NTNG1: variants seen among roughly 807,000 people sequenced by gnomAD.
The protein encoded by NTNG1 is netrin-G1.
Under a neutral mutation model 54.0 loss-of-function variants are expected in NTNG1, and 16 were observed. That is an observed-to-expected ratio of 0.30 (90% CI 0.20 to 0.45). The LOEUF is 0.45. Ranked by LOEUF, NTNG1 falls within the 20% of genes least tolerant of loss-of-function variation. The probability of loss-of-function intolerance (pLI) is 1.00; values close to 1 mark genes in which losing one functional copy is unlikely to be tolerated. For synonymous variants in NTNG1, 255 were observed against 263.1 expected, an observed-to-expected ratio of 0.97 and a Z score of 0.30; for missense variants, 530 against 678.7, an observed-to-expected ratio of 0.78 and a Z score of 2.43.
At chr1:107,438,521 A>G (rs1675751699) in intron 7 of NTNG1, among the ~76,000 whole-genome samples, 1 of 152,182 alleles carries the variant, frequency 6.6e-6, no homozygotes, top group Non-Finnish European at 1.5e-5. Context: ...GAGCAGGCCA[A>G]CAGTCAGGAG....
chr1:107,373,721 CAG>C (rs151220807), intron 3 of NTNG1, among the ~76,000 whole-genome samples: 16,793 of 151,534 alleles, frequency 0.11, 1,043 homozygotes, highest in Non-Finnish European at 0.14. Context: ...TTTCAAGAGA[CAG>C]GGTCTCACTC....
At chr1:107,406,515 A>G (rs1377449087) in intron 4 of NTNG1, among the ~76,000 whole-genome samples, 1 of 152,184 alleles carries the variant, frequency 6.6e-6, no homozygotes, top group African/African-American at 2.4e-5. Context: ...CAAAGAAGCT[A>G]GCAGACTTGC....
chr1:107,463,696 T>C (rs1677422433), intron 7 of NTNG1, among the ~76,000 whole-genome samples: 2 of 152,288 alleles, frequency 1.3e-5, no homozygotes, highest in East Asian at 3.9e-4. Flanking sequence ...CAAAATGTAC[T>C]TGTGGCTTGC....
At chr1:107,237,337 G>A (rs1357469649) in intron 2 of NTNG1, among the ~76,000 whole-genome samples, 1 of 152,154 alleles carries the variant, frequency 6.6e-6, no homozygotes, top group African/African-American at 2.4e-5. Flanking sequence ...GAGATGACCT[G>A]GGTGTTGTTA....
intron 7 of NTNG1, among the ~76,000 whole-genome samples, chr1:107,458,069 C>T (rs1378524343): frequency 1.3e-5 from 2 of 152,038 alleles, no homozygotes; most frequent in Non-Finnish European, 1.5e-5. Flanking sequence ...CCAACATGTT[C>T]GCATCTAAAA....
In NTNG1 at chr1:107,197,646, C is replaced by G. The variant is rs575104256; in HGVS notation, c.246+48807C>G. 3.9e-5 allele frequency among the ~76,000 whole-genome samples: 6 copies of G among 152,048 alleles called. No individual in the cohort carries two copies. In the East Asian group the frequency reaches 9.7e-4, roughly 25 times the overall value. The stretch of plus-strand genomic sequence containing the variant: ...GGATGAGATTTTGGCCCTCTGTCTT[C>G]AGGCTCCACTGGTTTTCCCTACAGT... On this transcript the variant is annotated intron_variant, in intron 2 of 7. Transcript: ENST00000370068.
At chr1:107,386,398 T>A (rs970406878) in intron 3 of NTNG1, among the ~76,000 whole-genome samples, 2 of 152,058 alleles carry the variant, frequency 1.3e-5, no homozygotes, top group Admixed American at 6.6e-5. Context: ...GGTCTTGAAC[T>A]CCTGACCTCA....
chr1:107,438,976 G>A, intron 7 of NTNG1, among the ~76,000 whole-genome samples: 1 of 152,128 alleles, frequency 6.6e-6, no homozygotes, highest in East Asian at 1.9e-4. Context: ...TATGTATTGA[G>A]TACCTACCGT....
At chr1:107,155,076 C>A (rs1654884313) in intron 2 of NTNG1, among the ~76,000 whole-genome samples, 1 of 152,042 alleles carries the variant, frequency 6.6e-6, no homozygotes, top group Admixed American at 6.6e-5. Flanking sequence ...AAGCATTGCC[C>A]TAAAGCATCA....
At chr1:107,399,312 A>G (rs1672877812) in intron 4 of NTNG1, among the ~76,000 whole-genome samples, 1 of 152,160 alleles carries the variant, frequency 6.6e-6, no homozygotes, top group Non-Finnish European at 1.5e-5. Context: ...ATGGAGATAG[A>G]CAGAAAACTG....
At chr1:107,200,261 A>G (rs530976316) in intron 2 of NTNG1, among the ~76,000 whole-genome samples, 10 of 152,006 alleles carry the variant, frequency 6.6e-5, no homozygotes, top group African/African-American at 2.4e-4. Context: ...AGGTAAGTAC[A>G]AGAGTGGCAA....
At chr1:107,337,116 A>G (rs1408514254) in intron 3 of NTNG1, among the ~76,000 whole-genome samples, 1 of 152,030 alleles carries the variant, frequency 6.6e-6, no homozygotes, top group African/African-American at 2.4e-5. Context: ...CTGGGTATAT[A>G]TCCAAAAGAA....
At chr1:107,379,699 T>C (rs1174688144) in intron 3 of NTNG1, among the ~76,000 whole-genome samples, 1 of 152,208 alleles carries the variant, frequency 6.6e-6, no homozygotes, top group Non-Finnish European at 1.5e-5. Flanking sequence ...TACTATTTTT[T>C]AAATACTTCA....
chr1:107,473,948 A>C (rs1678144251), intron 7 of NTNG1, among the ~76,000 whole-genome samples: 1 of 152,258 alleles, frequency 6.6e-6, no homozygotes, highest in South Asian at 2.1e-4. Context: ...ATTTGAAATC[A>C]TTCCTAATAT....
At chr1:107,149,806 C>A (rs896802841) in intron 2 of NTNG1, among the ~76,000 whole-genome samples, 1 of 151,688 alleles carries the variant, frequency 6.6e-6, no homozygotes, top group African/African-American at 2.4e-5. Context: ...GATAGAAGAA[C>A]TGCGATCCTG....
intron 2 of NTNG1, among the ~76,000 whole-genome samples, chr1:107,171,480 A>G (rs764715914): frequency 4.6e-5 from 7 of 151,932 alleles, no homozygotes; most frequent in African/African-American, 7.3e-5. Context: ...ATGACTTGAG[A>G]TTCAAGTTTT....
chr1:107,263,871 G>T (rs1366218849), intron 2 of NTNG1, among the ~76,000 whole-genome samples: 2 of 152,132 alleles, frequency 1.3e-5, no homozygotes, highest in Non-Finnish European at 2.9e-5. Flanking sequence ...TTTGTTAAAA[G>T]AAATGTTATA....
At chr1:107,255,882 C>T (rs554687507) in intron 2 of NTNG1, among the ~76,000 whole-genome samples, 2 of 152,238 alleles carry the variant, frequency 1.3e-5, no homozygotes, top group East Asian at 3.9e-4. Context: ...ACAACTAAAA[C>T]CTATTCTATT....
intron 2 of NTNG1, among the ~76,000 whole-genome samples, chr1:107,183,375 G>A (rs141589862): frequency 8.1e-4 from 123 of 152,238 alleles, no homozygotes; most frequent in African/African-American, 2.7e-3. Flanking sequence ...TTTGATTTTC[G>A]GGAAGCGATC....
Sources: allele counts gnomAD v4.1 joint callset (sites outside exome capture counted in the v4.1 genomes callset), GRCh38; gene constraint gnomAD v4.1.1; transcripts MANE v1.5; gene names NCBI Gene and HGNC (gene_info 2026-07-23, HGNC 2026-07-21).